Variants in BDNF observed in about 807,000 individuals in gnomAD.
BDNF encodes neurotrophic factor BDNF precursor form.
In BDNF, 1 loss-of-function variant was observed where a neutral mutation model predicts 19.5. That is an observed-to-expected ratio of 0.05 (90% confidence interval 0.02 to 0.24). The LOEUF (loss-of-function observed/expected upper bound fraction) is 0.24, where lower values mean the gene tolerates loss of function less well. BDNF is among the 10% of genes least tolerant of loss of function. The probability of loss-of-function intolerance (pLI) is 1.00; values close to 1 mark genes in which losing one functional copy is unlikely to be tolerated. For synonymous variants in BDNF, 100 were observed against 121.6 expected, an observed-to-expected ratio of 0.82 and a Z score of 1.17; for missense variants, 195 against 317.6, an observed-to-expected ratio of 0.61 and a Z score of 2.93.
intron 1 of BDNF, chr11:27,677,137 G>A (rs1181349177): frequency 6.6e-6 from 1 of 152,160 alleles, no homozygotes; most frequent in Non-Finnish European, 1.5e-5. Flanking sequence ...AACTACGGAT[G>A]GGGTAAAAGA....
At chr11:27,661,105 G>T (rs1356874055) in intron 1 of BDNF, among the ~76,000 whole-genome samples, 1 of 152,210 alleles carries the variant, frequency 6.6e-6, no homozygotes, top group Non-Finnish European at 1.5e-5. Flanking sequence ...TCATTCTGAA[G>T]CCCAAACATG....
chr11:27,660,849 G>A (rs2133807522), intron 1 of BDNF, among the ~76,000 whole-genome samples: 1 of 151,624 alleles, frequency 6.6e-6, no homozygotes, highest in African/African-American at 2.4e-5. Context: ...ACTTAAAAAT[G>A]GTCCAAAATA....
chr11:27,720,283 G>A (rs1564999901), intron 1 of BDNF: 1 of 973,512 alleles, frequency 1.0e-6, no homozygotes, highest in Non-Finnish European at 1.2e-6. Flanking sequence ...CGTCCTCTCC[G>A]GAAGACAGTA....
intron 1 of BDNF, among the ~76,000 whole-genome samples, chr11:27,682,405 T>A (rs1379119986): frequency 1.3e-5 from 2 of 150,452 alleles, no homozygotes; most frequent in African/African-American, 4.9e-5. Flanking sequence ...TTATTATTAT[T>A]ATTATAATAA....
chr11:27,721,535 C>G, exon 1 of BDNF: 1 of 1,036,030 alleles, frequency 9.7e-7, no homozygotes, highest in East Asian at 2.4e-5. Context: ...CTCAGTGGAT[C>G]GCCCACCACT....
Position 27,658,439 on chromosome 11 carries a change from A to C in BDNF, c.126T>G (p.Thr42=). Residue 42 remains threonine, a synonymous_variant, in exon 2 of 2, where the codon ACT becomes ACG. Transcript: ENST00000356660. The surrounding 1 kb of genome is among the most constrained non-coding windows in gnomAD (Gnocchi z 5.7). ...LAYPGVRTHG[T]LESVNGPKAG... ...CCTTGGGCCCATTCACGCTCTCCAG[A>C]GTCCCATGGGTCCGCACACCTGGGT... The C allele has an allele frequency of 1.2e-6, 2 of 1,614,192 alleles. No individual in the cohort carries two copies. Among genetic ancestry groups the C allele is most frequent in the South Asian group, 2.2e-5 (2 of 91,082 alleles).
chr11:27,656,964 G>A lies in BDNF; in HGVS notation c.*857C>T. 1 of 985,280 alleles carries A rather than the reference G, an allele frequency of 1.0e-6. No individual in the cohort carries two copies. 61.0% of individuals were successfully genotyped at this position (985,280 alleles called of 1,614,324 possible). A position where few individuals can be genotyped will look rare whatever the true frequency, so the allele number is the denominator to read the frequency against. The stretch of plus-strand genomic sequence containing the variant: ...AGAGGAGACCAGAGGGGGAGGGGGG[G>A]AAAGAATGTGTTCTGAGCAAACATA... On this transcript the variant is annotated 3_prime_UTR_variant, in exon 2 of 2. Coordinates refer to ENST00000356660, the MANE Select transcript of BDNF (RefSeq NM_001709.5).
chr11:27,657,424 C>A lies in BDNF; in HGVS notation c.*397G>T. 4.8e-6 allele frequency: 5 copies of A among 1,041,748 alleles called. No individual in the cohort carries two copies. The highest frequency in any genetic ancestry group is 5.8e-6 in the Non-Finnish European group (5 of 864,812). The allele number at this position is 1,041,748 out of a possible 1,614,324, so 64.5% of individuals were successfully genotyped here. On this transcript the variant is annotated 3_prime_UTR_variant, in exon 2 of 2. Transcript: ENST00000356660. The surrounding 1 kb of genome is among the most constrained non-coding windows in gnomAD (Gnocchi z 5.0). The stretch of plus-strand genomic sequence containing the variant: ...AGATACTTACTGTCTAAAATGTAAA[C>A]GGAATGTTTTGGTTCAAATTTTTGT...
chr11:27,721,862 T>TAAA, exon 1 of BDNF: 1 of 169,266 alleles, frequency 5.9e-6, no homozygotes, highest in East Asian at 1.5e-4. Context: ...GGTACCCCTG[T>TAAA]AAAAAAAAAA....
At chr11:27,671,171 G>A (rs376527130) in intron 1 of BDNF, among the ~76,000 whole-genome samples, 3 of 152,084 alleles carry the variant, frequency 2.0e-5, no homozygotes, top group African/African-American at 4.8e-5. Context: ...GTAGGGGTAG[G>A]GGGGAGGGAT....
chr11:27,701,602 C>A (rs944289044), upstream of BDNF: 16 of 986,714 alleles, frequency 1.6e-5, no homozygotes, highest in Admixed American at 9.1e-4. Flanking sequence ...GCAGCGAGAG[C>A]AGCCCTCTCC....
rs1857485849 is a variant in BDNF, at chr11:27,686,362, TGTG to T, written c.-22+13799_-22+13801del. ...TGACTCTTTATCCAATTTGCCAGTC[TGTG>T]GTCTTTTAATTGGGGCATTTAGCCC... On this transcript the variant is annotated intron_variant, in intron 1 of 1. Transcript: ENST00000356660. Among the ~76,000 whole-genome samples the T allele has an allele frequency of 2.6e-5, 4 of 152,172 alleles. No homozygotes were observed. In the South Asian group the frequency reaches 8.3e-4, roughly 32 times the overall value.
At chr11:27,701,109 G>A (rs1859873762), upstream of BDNF, 2 of 1,300,866 alleles carry the variant, frequency 1.5e-6, no homozygotes, top group Admixed American at 2.3e-5. Flanking sequence ...CCTCTCTAGA[G>A]TTTGCCTAAT....
At chr11:27,686,729 C>T (rs1455253020) in intron 1 of BDNF, among the ~76,000 whole-genome samples, 1 of 152,200 alleles carries the variant, frequency 6.6e-6, no homozygotes, top group Non-Finnish European at 1.5e-5. Context: ...TTGGCCCCCA[C>T]TCTCTTCTGG....
Position 27,697,162 on chromosome 11 carries a change from CACAGAGAG to C in BDNF, c.-22+2994_-22+3001del, listed in dbSNP as rs59759287. On this transcript the variant is annotated intron_variant, in intron 1 of 1. Transcript: ENST00000356660. ...GTGCACGCACACACACACACACACA[CACAGAGAG>C]AGAGAGAGAGAGAGAGAGAGAGAGA... Among the ~76,000 whole-genome samples the C allele has an allele frequency of 8.0e-3, 1,002 of 125,176 alleles. 6 individuals carry two copies. Among genetic ancestry groups the C allele is most frequent in the South Asian group, 0.033 (106 of 3,194 alleles). The allele number at this position is 125,176 out of a possible 152,430, so 82.1% of individuals were successfully genotyped here. A position where few individuals can be genotyped will look rare whatever the true frequency, so the allele number is the denominator to read the frequency against.
At chr11:27,699,648 T>A in intron 1 of BDNF, 1 of 1,431,778 alleles carries the variant, frequency 7.0e-7, no homozygotes, top group East Asian at 2.5e-5. Context: ...TCTCAATTCC[T>A]GGGGAGCAGG....
chr11:27,677,991 C>T (rs1021409598), intron 1 of BDNF, among the ~76,000 whole-genome samples: 5 of 152,216 alleles, frequency 3.3e-5, no homozygotes, highest in African/African-American at 1.2e-4. Context: ...CAAGGTGGGA[C>T]AATTGGGTAT....
upstream of BDNF, among the ~76,000 whole-genome samples, chr11:27,702,407 G>A (rs1374785425): frequency 6.6e-6 from 1 of 152,126 alleles, no homozygotes; most frequent in Non-Finnish European, 1.5e-5. Flanking sequence ...CACTCTCTTG[G>A]GGGTACAACA....
intron 1 of BDNF, among the ~76,000 whole-genome samples, chr11:27,673,248 C>CA (rs376465673): frequency 0.22 from 14,686 of 66,156 alleles, 2,077 homozygotes; most frequent in African/African-American, 0.47. Flanking sequence ...ATGCTGTGTA[C>CA]AAAAAAAAAA....
Sources: gnomAD v4.1 joint callset for allele counts (sites outside exome capture counted in the v4.1 genomes callset) on GRCh38, gnomAD v4.1.1 for gene constraint, Gnocchi (gnomAD v3.1) non-coding constraint, MANE v1.5 for transcripts, NCBI Gene and HGNC (gene_info 2026-07-23, HGNC 2026-07-21) for gene names.